PTPRB: variants seen among roughly 807,000 people sequenced by gnomAD.
The protein encoded by PTPRB is receptor-type tyrosine-protein phosphatase beta.
In PTPRB, 97 loss-of-function variants were observed where a neutral mutation model predicts 238.1. That is an observed-to-expected ratio of 0.41 (90% CI 0.35 to 0.48). The LOEUF (loss-of-function observed/expected upper bound fraction) is 0.48. Among genes scored for constraint, PTPRB ranks in the 20% least tolerant of loss-of-function variants. PTPRB has a pLI of 0.30. For synonymous variants in PTPRB, 970 were observed against 995.4 expected, an observed-to-expected ratio of 0.97 and a Z score of 0.48; for missense variants, 2,292 against 2,681.9, an observed-to-expected ratio of 0.85 and a Z score of 3.21.
At chr12:70,612,248 AAG>A (rs1212892536) in intron 3 of PTPRB, among the ~76,000 whole-genome samples, 1 of 152,244 alleles carries the variant, frequency 6.6e-6, no homozygotes. Context: ...AAACAAGAGG[AAG>A]AGTTTAAACT....
chr12:70,578,116 T>C (rs1880990863), intron 10 of PTPRB, among the ~76,000 whole-genome samples: 1 of 152,200 alleles, frequency 6.6e-6, no homozygotes, highest in Admixed American at 6.5e-5. Flanking sequence ...ACAAAATTTG[T>C]TTTTGCTTTA....
intron 14 of PTPRB, among the ~76,000 whole-genome samples, chr12:70,567,910 C>T (rs1034156107): frequency 1.3e-5 from 2 of 152,208 alleles, no homozygotes; most frequent in Non-Finnish European, 2.9e-5. Flanking sequence ...AGGCTGGTCT[C>T]GAACTCCTGG....
intron 3 of PTPRB, among the ~76,000 whole-genome samples, chr12:70,610,195 G>A (rs925303130): frequency 2.5e-4 from 38 of 152,306 alleles, no homozygotes; most frequent in Non-Finnish European, 5.0e-4. Flanking sequence ...GCCTGAGCCT[G>A]CCAAGGGGCC....
At chr12:70,552,288 A>G (rs1411481243) in intron 21 of PTPRB, among the ~76,000 whole-genome samples, 1 of 152,138 alleles carries the variant, frequency 6.6e-6, no homozygotes, top group East Asian at 1.9e-4. Context: ...GTTGGAGACC[A>G]GCCTGGCCAA....
At chr12:70,540,514 C>T in intron 23 of PTPRB, 1 of 228,316 alleles carries the variant, frequency 4.4e-6, no homozygotes, top group Non-Finnish European at 8.5e-6. Flanking sequence ...CAGAAAAGCA[C>T]TTGGGCATGC....
At chr12:70,536,735 C>T (rs1874184452) in intron 28 of PTPRB, among the ~76,000 whole-genome samples, 1 of 152,204 alleles carries the variant, frequency 6.6e-6, no homozygotes, top group Non-Finnish European at 1.5e-5. Flanking sequence ...CTAATCGAAG[C>T]TCTTTCTCTT....
chr12:70,562,288 C>A (rs371938315), intron 16 of PTPRB, among the ~76,000 whole-genome samples: 6,316 of 152,048 alleles, frequency 0.042, 315 homozygotes, highest in African/African-American at 0.12. Context: ...CGTCCCCCCC[C>A]AAAACATTTT....
intron 9 of PTPRB, among the ~76,000 whole-genome samples, chr12:70,582,564 A>G (rs1248137806): frequency 6.6e-6 from 1 of 152,124 alleles, no homozygotes; most frequent in African/African-American, 2.4e-5. Context: ...TTTCATGGAG[A>G]AAAGATAGTC....
chr12:70,539,362 T>A (rs1203205801), intron 26 of PTPRB: 2 of 546,482 alleles, frequency 3.7e-6, no homozygotes, highest in South Asian at 2.5e-5. Context: ...TAGGTCTGCA[T>A]TTGAGATTTG....
intron 2 of PTPRB, among the ~76,000 whole-genome samples, chr12:70,623,447 A>C (rs1885036091): frequency 6.6e-6 from 1 of 152,216 alleles, no homozygotes; most frequent in Non-Finnish European, 1.5e-5. Context: ...ATTCTGACGC[A>C]CTAGAGATGG....
At chr12:70,544,481 A>G (rs1171436727) in intron 22 of PTPRB, 76 bp downstream of exon 22, 2 of 991,350 alleles carry the variant, frequency 2.0e-6, no homozygotes, top group East Asian at 2.5e-5. Context: ...CCCCACCATC[A>G]GCCAATATCT....
In PTPRB at chr12:70,553,152, A is replaced by G. The variant is rs922697183; in HGVS notation, c.5144-132T>C. On this transcript the variant is annotated intron_variant, in intron 20 of 33. Coordinates refer to ENST00000334414, the MANE Select transcript of PTPRB (RefSeq NM_001109754.4). ...CCATTTCCAAAGTACAGATTCTGCA[A>G]TCTCAAAGAACGATGTGAAATTCTC... 20 of 1,119,042 alleles carry G rather than the reference A, an allele frequency of 1.8e-5. No individual in the cohort carries two copies. In the Middle Eastern group the frequency reaches 2.8e-3, roughly 156 times the overall value. 69.3% of individuals were successfully genotyped at this position (1,119,042 alleles called of 1,614,324 possible).
rs772040565 is a variant in PTPRB, at chr12:70,566,751, G to C, written c.3635-47C>G. The stretch of plus-strand genomic sequence containing the variant: ...AACAAAATACAGATTTTATCACTTA[G>C]GGTAAAGTCATCAATTGAGAAAAAC... On this transcript the variant is annotated intron_variant, in intron 14 of 33. Coordinates refer to ENST00000334414, the MANE Select transcript of PTPRB (RefSeq NM_001109754.4). 3.8e-6 allele frequency: 6 copies of C among 1,575,762 alleles called. No homozygotes were observed. In the South Asian group the frequency reaches 5.8e-5, roughly 15 times the overall value.
chr12:70,540,628 A>T, intron 23 of PTPRB: 1 of 482,070 alleles, frequency 2.1e-6, no homozygotes, highest in Non-Finnish European at 3.7e-6. Context: ...ATAAAGCTAT[A>T]GATGGCCCCT....
intron 2 of PTPRB, among the ~76,000 whole-genome samples, chr12:70,634,852 C>G (rs1885612014): frequency 6.6e-6 from 1 of 152,184 alleles, no homozygotes; most frequent in African/African-American, 2.4e-5. Flanking sequence ...TCATTGGTGC[C>G]TAATATATTG....
rs1304064526 is a variant in PTPRB at position 70,581,299 on chromosome 12, G to A, written c.2315C>T (p.Pro772Leu). 2 of 1,612,014 alleles carry A rather than the reference G, an allele frequency of 1.2e-6. No individual in the cohort carries two copies. Among genetic ancestry groups the A allele is most frequent in the East Asian group, 2.2e-5 (1 of 44,870 alleles). ...CACATGCAAGTCAGTCACTTGGGCA[G>A]GCACTAAAACAGTAGACAGAAGAAA... ...NSSSVKGRTV[P>L]AQVTDLHVAN... The change falls in exon 10 of 34, where the codon CCT becomes CTT. Residue 772 changes from proline to leucine, a missense_variant. Pro to Leu is a moderately conservative substitution (Grantham distance 98). Around this residue, in one of 4 missense-constraint regions of PTPRB, gnomAD observed 1,205 missense variants for 1,287.8 expected, o/e 0.94. Coordinates refer to ENST00000334414, the MANE Select transcript of PTPRB (RefSeq NM_001109754.4).
chr12:70,531,957 A>G (rs1479923250), intron 32 of PTPRB, 78 bp downstream of exon 32: 2 of 1,534,090 alleles, frequency 1.3e-6, no homozygotes, highest in Non-Finnish European at 1.8e-6. Context: ...CCCTTGTCAG[A>G]TTAAGGTCCT....
chr12:70,570,232 G>C (rs1434853828), intron 13 of PTPRB, among the ~76,000 whole-genome samples: 1 of 152,192 alleles, frequency 6.6e-6, no homozygotes, highest in African/African-American at 2.4e-5. Flanking sequence ...CTAGCTGTGG[G>C]ACTACAGGCA....
At chr12:70,555,616 T>A (rs1251768819) in intron 19 of PTPRB, among the ~76,000 whole-genome samples, 1 of 152,150 alleles carries the variant, frequency 6.6e-6, no homozygotes, top group Non-Finnish European at 1.5e-5. Context: ...TGAGGCAAAG[T>A]GATATATTTA....
Sources: allele counts gnomAD v4.1 joint callset (sites outside exome capture counted in the v4.1 genomes callset), GRCh38; gene constraint gnomAD v4.1.1; regional missense constraint gnomAD v4.1.1; transcripts MANE v1.5; gene names NCBI Gene and HGNC (gene_info 2026-07-23, HGNC 2026-07-21).